NAV3: variants seen among roughly 807,000 people sequenced by gnomAD.
The protein encoded by NAV3 is pore membrane and/or filament interacting like protein 1.
Under a neutral mutation model 244.7 loss-of-function variants are expected in NAV3, and 87 were observed. That is an observed-to-expected ratio of 0.36 (90% CI 0.30 to 0.42). The LOEUF (loss-of-function observed/expected upper bound fraction) is 0.42, where lower values mean the gene tolerates loss of function less well. Among genes scored for constraint, NAV3 ranks in the 20% least tolerant of loss-of-function variants. The pLI is 1.00. For missense variants in NAV3, 2,663 were observed against 2,893.3 expected, an observed-to-expected ratio of 0.92 and a Z score of 1.83; for synonymous variants, 1,126 against 1,042.2, an observed-to-expected ratio of 1.08 and a Z score of -1.55.
intron 2 of NAV3, among the ~76,000 whole-genome samples, chr12:77,724,814 T>C (rs1056143642): frequency 6.6e-6 from 1 of 152,030 alleles, no homozygotes; most frequent in Non-Finnish European, 1.5e-5. Flanking sequence ...GAAGATACTG[T>C]ATAAATTAAG....
chr12:78,114,799 G>A (rs751706599), intron 12 of NAV3, among the ~76,000 whole-genome samples: 1 of 152,096 alleles, frequency 6.6e-6, no homozygotes, highest in Non-Finnish European at 1.5e-5. Flanking sequence ...TGACAGATAT[G>A]TGCTATAGTA....
intron 2 of NAV3, among the ~76,000 whole-genome samples, chr12:77,577,575 A>C (rs1272172938): frequency 6.6e-6 from 1 of 152,164 alleles, no homozygotes; most frequent in East Asian, 1.9e-4. Context: ...ACGTCAATAG[A>C]TATAGTGAGC....
At chr12:77,622,206 C>A (rs1871401983) in intron 2 of NAV3, among the ~76,000 whole-genome samples, 1 of 152,118 alleles carries the variant, frequency 6.6e-6, no homozygotes. Flanking sequence ...GTCTCCCAGG[C>A]TGCAGTGCAG....
At chr12:77,717,977 C>A (rs1367609361) in intron 2 of NAV3, among the ~76,000 whole-genome samples, 1 of 152,154 alleles carries the variant, frequency 6.6e-6, no homozygotes, top group Non-Finnish European at 1.5e-5. Flanking sequence ...TTGATATTAA[C>A]CCTGTATCAG....
intron 2 of NAV3, among the ~76,000 whole-genome samples, chr12:77,695,228 G>A (rs1386994425): frequency 1.3e-5 from 2 of 151,870 alleles, no homozygotes; most frequent in Non-Finnish European, 2.9e-5. Context: ...TTTTTTTCCC[G>A]ACCAATGTCA....
intron 2 of NAV3, among the ~76,000 whole-genome samples, chr12:77,650,124 G>A (rs1011444307): frequency 6.6e-6 from 1 of 152,164 alleles, no homozygotes; most frequent in East Asian, 1.9e-4. Flanking sequence ...CCTCCGAGGT[G>A]CCAGGCTTTG....
chr12:78,098,213 A>G lies in NAV3; in HGVS notation c.2637-18559A>G, dbSNP rs988665626. 1.1e-4 allele frequency among the ~76,000 whole-genome samples: 16 copies of G among 152,190 alleles called. 1 individual carries two copies. The highest frequency in any genetic ancestry group is 2.9e-4 in the African/African-American group (12 of 41,576). On this transcript the variant is annotated intron_variant, in intron 12 of 39. Transcript: ENST00000397909. ...CATGGTAATGATTCTTTAGAAACAC[A>G]GCTAAGTTTTGTAATTTTGTTTTTT...
At chr12:77,703,980 A>T (rs562233388) in intron 2 of NAV3, among the ~76,000 whole-genome samples, 1 of 152,150 alleles carries the variant, frequency 6.6e-6, no homozygotes, top group Non-Finnish European at 1.5e-5. Flanking sequence ...TCAATATAAC[A>T]TTGTTCTCAC....
At chr12:77,713,397 T>G (rs748727448) in intron 2 of NAV3, among the ~76,000 whole-genome samples, 23 of 152,176 alleles carry the variant, frequency 1.5e-4, no homozygotes, top group Non-Finnish European at 2.9e-4. Flanking sequence ...AAATTTGGTT[T>G]TATACTGTGT....
chr12:77,587,526 C>G (rs920965942), intron 2 of NAV3, among the ~76,000 whole-genome samples: 2 of 152,050 alleles, frequency 1.3e-5, no homozygotes, highest in African/African-American at 4.8e-5. Flanking sequence ...AAAGCTAGAA[C>G]AAGTAAAATG....
intron 31 of NAV3, among the ~76,000 whole-genome samples, chr12:78,187,607 C>T (rs1958782512): frequency 6.6e-6 from 1 of 151,832 alleles, no homozygotes; most frequent in Non-Finnish European, 1.5e-5. Flanking sequence ...AAAATAATTA[C>T]TTGTTTGATG....
At chr12:78,021,606 C>T (rs923475588) in intron 8 of NAV3, 141 bp from the exon 9 acceptor site, 6 of 538,362 alleles carry the variant, frequency 1.1e-5, no homozygotes, top group East Asian at 3.2e-5. Context: ...TATACATAGA[C>T]AGCTCTGGAA....
At chr12:77,924,085 T>C (rs1220210157) in intron 1 of NAV3, among the ~76,000 whole-genome samples, 1 of 152,162 alleles carries the variant, frequency 6.6e-6, no homozygotes, top group African/African-American at 2.4e-5. Context: ...AATGGCTCTG[T>C]ACACAGTAGA....
chr12:78,176,399 C>T (rs767609016), intron 25 of NAV3, 40 bp from the exon 26 acceptor site: 1 of 1,606,110 alleles, frequency 6.2e-7, no homozygotes, highest in South Asian at 1.1e-5. Flanking sequence ...GCCTTCATTC[C>T]CTTGATTTGT....
chr12:77,898,708 G>T (rs766653288), intron 1 of NAV3, among the ~76,000 whole-genome samples: 1 of 152,118 alleles, frequency 6.6e-6, no homozygotes, highest in Non-Finnish European at 1.5e-5. Flanking sequence ...TTTCTAAAAC[G>T]TGGACAAATA....
intron 3 of NAV3, among the ~76,000 whole-genome samples, chr12:77,949,163 G>C (rs2370037): frequency 0.035 from 5,264 of 151,954 alleles, 304 homozygotes; most frequent in African/African-American, 0.12. Context: ...AGAAATACTG[G>C]GAAATCATTA....
chr12:77,663,648 A>G (rs910130881), intron 2 of NAV3, among the ~76,000 whole-genome samples: 9 of 151,958 alleles, frequency 5.9e-5, no homozygotes, highest in Non-Finnish European at 8.8e-5. Flanking sequence ...CAGCCTCCCA[A>G]GTAGCTGGAA....
At chr12:77,742,388 A>T (rs997742705) in intron 2 of NAV3, among the ~76,000 whole-genome samples, 2 of 152,122 alleles carry the variant, frequency 1.3e-5, no homozygotes, top group Non-Finnish European at 2.9e-5. Context: ...TGAACAACAC[A>T]GCTTTGAACT....
At chr12:77,880,468 G>A (rs1167955272) in intron 1 of NAV3, among the ~76,000 whole-genome samples, 1 of 152,068 alleles carries the variant, frequency 6.6e-6, no homozygotes, top group Non-Finnish European at 1.5e-5. Flanking sequence ...ATGTTGTATT[G>A]CTCAGACTAA....
Sources: allele counts gnomAD v4.1 joint callset (sites outside exome capture counted in the v4.1 genomes callset), GRCh38; gene constraint gnomAD v4.1.1; transcripts MANE v1.5; gene names NCBI Gene and HGNC (gene_info 2026-07-23, HGNC 2026-07-21).